The following PTPRE variants were observed in gnomAD, a reference collection of about 807,000 sequenced individuals.
The protein encoded by PTPRE is protein tyrosine phosphatase receptor type E.
In PTPRE, 51 loss-of-function variants were observed where a neutral mutation model predicts 102.0. The observed-to-expected ratio is 0.50, with a 90% CI of 0.40 to 0.63. The LOEUF (loss-of-function observed/expected upper bound fraction) is 0.63. PTPRE is among the 30% of genes least tolerant of loss of function. The pLI, the probability that PTPRE is intolerant of heterozygous loss-of-function variation, is 0.00. For synonymous variants in PTPRE, 345 were observed against 348.2 expected (o/e 0.99, Z 0.10); for missense variants, 752 against 915.1 (o/e 0.82, Z 2.30).
At chr10:128,071,871 T>A (rs1302797023) in intron 15 of PTPRE, 3 of 351,872 alleles carry the variant, frequency 8.5e-6, no homozygotes, top group Non-Finnish European at 1.0e-5. Context: ...AGCGCAATAT[T>A]TTTAGTGCTT....
At chr10:127,972,989 C>A (rs889033650) in intron 1 of PTPRE, among the ~76,000 whole-genome samples, 2 of 152,176 alleles carry the variant, frequency 1.3e-5, no homozygotes, top group Non-Finnish European at 2.9e-5. Flanking sequence ...AATAAATCTC[C>A]TTGAGAATGA....
At chr10:127,946,309 C>G (rs771533326) in intron 1 of PTPRE, among the ~76,000 whole-genome samples, 3 of 152,208 alleles carry the variant, frequency 2.0e-5, no homozygotes, top group Non-Finnish European at 4.4e-5. Context: ...TGATAACTTA[C>G]TATGTGGCCG....
chr10:127,919,919 A>AT lies in PTPRE; in HGVS notation c.-31+12622dup, dbSNP rs1429616790. On this transcript the variant is annotated intron_variant, in intron 1 of 20. Transcript: ENST00000254667. Reference sequence around the variant, plus strand: ...TCGTGGTTATTTTACTTAGCAGTGGATTTTTTTTTTTTCCTTTTCAGTGTA... The same window carrying AT: ...TCGTGGTTATTTTACTTAGCAGTGGATTTTTTTTTTTTTCCTTTTCAGTGTA... Among the ~76,000 whole-genome samples, 330 of 145,740 alleles carry AT rather than the reference A, an allele frequency of 2.3e-3. 1 individual carries two copies. Among genetic ancestry groups the AT allele is most frequent in the African/African-American group, 3.1e-3 (125 of 40,022 alleles).
chr10:128,070,999 C>G lies in PTPRE; in HGVS notation c.1387+98C>G. On this transcript the variant is annotated intron_variant, in intron 15 of 20. Coordinates refer to ENST00000254667, the MANE Select transcript of PTPRE (RefSeq NM_006504.6). This position sits in a 1 kb window ranked among gnomAD's most constrained non-coding sequence, Gnocchi z 4.8. The stretch of plus-strand genomic sequence containing the variant: ...CCATTGACCGCTTACCCCTGTGCAC[C>G]AGGGTCAAAAGCAGGGTGTCCTCTG... 8.1e-7 allele frequency: 1 copy of G among 1,239,614 alleles called. No individual in the cohort carries two copies. Among genetic ancestry groups the G allele is most frequent in the Non-Finnish European group, 1.2e-6 (1 of 868,390 alleles). The allele number at this position is 1,239,614 out of a possible 1,614,324, so 76.8% of individuals were successfully genotyped here.
intron 1 of PTPRE, among the ~76,000 whole-genome samples, chr10:127,964,011 C>G (rs1850045294): frequency 6.6e-6 from 1 of 152,112 alleles, no homozygotes; most frequent in African/African-American, 2.4e-5. Flanking sequence ...AGTGCTGGCC[C>G]CCAGGTTTTG....
rs1313422884 is a variant in PTPRE at position 128,070,994 on chromosome 10, T to A, written c.1387+93T>A. The A allele has an allele frequency of 7.9e-7, 1 of 1,267,784 alleles. No individual in the cohort carries two copies. Among genetic ancestry groups the A allele is most frequent in the East Asian group, 2.4e-5 (1 of 41,466 alleles). 78.5% of individuals were successfully genotyped at this position (1,267,784 alleles called of 1,614,324 possible). ...AGAAGCCATTGACCGCTTACCCCTGTGCACCAGGGTCAAAAGCAGGGTGTC... is the reference window on the plus strand; with the variant it reads ...AGAAGCCATTGACCGCTTACCCCTGAGCACCAGGGTCAAAAGCAGGGTGTC... On this transcript the variant is annotated intron_variant, in intron 15 of 20. Transcript: ENST00000254667. The surrounding 1 kb of genome is among the most constrained non-coding windows in gnomAD (Gnocchi z 4.8).
At chr10:127,985,980 A>G (rs942782013) in intron 2 of PTPRE, among the ~76,000 whole-genome samples, 5 of 152,128 alleles carry the variant, frequency 3.3e-5, no homozygotes, top group African/African-American at 1.2e-4. Context: ...AATCCCAGCT[A>G]CTTGAGAGGC....
At chr10:128,053,138 C>A (rs1215540152) in intron 6 of PTPRE, among the ~76,000 whole-genome samples, 1 of 152,118 alleles carries the variant, frequency 6.6e-6, no homozygotes, top group Non-Finnish European at 1.5e-5. Context: ...GTAATCCCAG[C>A]TACTCAGGAG....
chr10:128,081,466 G>T (rs1036633583), intron 20 of PTPRE, among the ~76,000 whole-genome samples: 1 of 152,202 alleles, frequency 6.6e-6, no homozygotes, highest in Non-Finnish European at 1.5e-5. Context: ...ACTTGTACTC[G>T]AGACTACGTG....
At chr10:128,027,328 C>T (rs1357617651) in intron 2 of PTPRE, among the ~76,000 whole-genome samples, 3 of 152,222 alleles carry the variant, frequency 2.0e-5, no homozygotes, top group Admixed American at 6.5e-5. Context: ...AGCACTCTCC[C>T]TCCTCGGCTG....
rs149768470 is a variant in PTPRE, at chr10:127,964,854, T to C, written c.-30-17420T>C. ...AAGCGCTTGCAGCCAGTTGTCTAGT[T>C]GTCAGAAGCCGAGCTCATCAGCGGG... On this transcript the variant is annotated intron_variant, in intron 1 of 20. Coordinates refer to ENST00000254667, the MANE Select transcript of PTPRE (RefSeq NM_006504.6). The C allele has an allele frequency of 2.8e-4, 98 of 345,870 alleles. 1 individual carries two copies. The highest frequency in any genetic ancestry group is 1.8e-3 in the African/African-American group (85 of 46,264). The allele number at this position is 345,870 out of a possible 1,614,324, so 21.4% of individuals were successfully genotyped here. A position where few individuals can be genotyped will look rare whatever the true frequency, so the allele number is the denominator to read the frequency against.
intron 1 of PTPRE, among the ~76,000 whole-genome samples, chr10:127,966,606 A>G (rs1467341515): frequency 6.6e-6 from 1 of 152,110 alleles, no homozygotes; most frequent in East Asian, 1.9e-4. Context: ...TAAAACAGGG[A>G]TGGTCCTGGG....
intron 3 of PTPRE, among the ~76,000 whole-genome samples, chr10:128,043,118 G>C (rs911080337): frequency 1.3e-5 from 2 of 152,130 alleles, no homozygotes; most frequent in African/African-American, 2.4e-5. Flanking sequence ...ATGGAAGACA[G>C]TTTTTCCGTG....
At chr10:128,020,939 C>T (rs979476556) in intron 2 of PTPRE, among the ~76,000 whole-genome samples, 1 of 151,728 alleles carries the variant, frequency 6.6e-6, no homozygotes, top group Admixed American at 6.6e-5. Flanking sequence ...ACTCTGTCGC[C>T]CAGGCTGGAG....
rs557889621 is a variant in PTPRE at position 127,948,663 on chromosome 10, C to T, written c.-30-33611C>T. On this transcript the variant is annotated intron_variant, in intron 1 of 20. Transcript: ENST00000254667. Reference sequence around the variant, plus strand: ...TTAATAATACACATTTAAGGTTCTTCCCAGGCTTTTCATGAGTTGATAGTT... The same window carrying T: ...TTAATAATACACATTTAAGGTTCTTTCCAGGCTTTTCATGAGTTGATAGTT... Among the ~76,000 whole-genome samples the T allele has an allele frequency of 9.8e-5, 15 of 152,294 alleles. No homozygotes were observed. In the South Asian group the frequency reaches 1.7e-3, roughly 17 times the overall value.
rs1589798272 is a variant in PTPRE at position 127,944,742 on chromosome 10, T to A, written c.-31+37433T>A. On this transcript the variant is annotated intron_variant, in intron 1 of 20. Transcript: ENST00000254667. The surrounding 1 kb of genome is among the most constrained non-coding windows in gnomAD (Gnocchi z 4.2). ...TGGCTCCACGTGGATAGCAGGCTGG[T>A]GTAGGTACAAGACTGGAAGCAAGAG... Among the ~76,000 whole-genome samples the A allele has an allele frequency of 6.6e-6, 1 of 152,148 alleles. No individual in the cohort carries two copies. Among genetic ancestry groups the A allele is most frequent in the South Asian group, 2.1e-4 (1 of 4,822 alleles).
At chr10:127,927,847 T>G (rs562652375) in intron 1 of PTPRE, among the ~76,000 whole-genome samples, 119 of 152,336 alleles carry the variant, frequency 7.8e-4, no homozygotes, top group African/African-American at 2.7e-3. Context: ...CTAATACCTA[T>G]TTACCTGGTG....
intron 1 of PTPRE, 24 bp from the exon 2 acceptor site, chr10:127,982,250 T>G (rs1304515809): frequency 1.6e-6 from 2 of 1,256,500 alleles, no homozygotes; most frequent in Non-Finnish European, 2.1e-6. Flanking sequence ...AAAACTGACT[T>G]TTTTTTTCTT....
chr10:128,063,081 A>G lies in PTPRE; in HGVS notation c.626-2A>G. On this transcript the variant is annotated splice_acceptor_variant, in intron 9 of 20. Coordinates refer to ENST00000254667, the MANE Select transcript of PTPRE (RefSeq NM_006504.6). LOFTEE classifies it high-confidence loss of function. ...GACTTCGAAATTGTCCTCTACACAC[A>G]GGTCCCAAACAGGAAACGGTTAACG... The G allele has an allele frequency of 1.2e-6, 2 of 1,614,208 alleles. No individual in the cohort carries two copies. The highest frequency in any genetic ancestry group is 2.2e-5 in the East Asian group (1 of 44,882).
Sources: gnomAD v4.1 joint callset for allele counts (sites outside exome capture counted in the v4.1 genomes callset) on GRCh38, gnomAD v4.1.1 for gene constraint, Gnocchi (gnomAD v3.1) non-coding constraint, MANE v1.5 for transcripts, NCBI Gene and HGNC (gene_info 2026-07-23, HGNC 2026-07-21) for gene names.